Variants in CSMD1 observed in about 807,000 individuals in gnomAD.
CSMD1 encodes the protein CUB and Sushi multiple domains 1, also known as CUB and sushi domain-containing protein 1.
CSMD1 carries 213 observed loss-of-function variants against 417.5 expected under a neutral mutation model. The ratio of observed to expected loss-of-function variants is 0.51; its 90% CI spans 0.46 to 0.57. The LOEUF (loss-of-function observed/expected upper bound fraction) is 0.57, where lower values mean the gene tolerates loss of function less well. CSMD1 is among the 20% of genes least tolerant of loss of function. CSMD1 has a pLI of 0.00. For missense variants in CSMD1, 6,923 were observed against 4,529.7 expected, an observed-to-expected ratio of 1.53 and a Z score of -15.17; for synonymous variants, 2,862 against 1,736.8, an observed-to-expected ratio of 1.65 and a Z score of -16.11.
chr8:3,484,842 C>T (rs1197400061), intron 11 of CSMD1, among the ~76,000 whole-genome samples: 1 of 152,116 alleles, frequency 6.6e-6, no homozygotes, highest in Admixed American at 6.6e-5. Context: ...TATCATTAGC[C>T]ATCAGGAAAA....
At chr8:4,552,142 A>T (rs186169324) in intron 2 of CSMD1, among the ~76,000 whole-genome samples, 1 of 152,176 alleles carries the variant, frequency 6.6e-6, no homozygotes, top group African/African-American at 2.4e-5. Flanking sequence ...AAAATCTAAC[A>T]TGCATTGGGA....
intron 1 of CSMD1, among the ~76,000 whole-genome samples, chr8:4,961,756 C>G (rs557646131): frequency 6.6e-6 from 1 of 152,094 alleles, no homozygotes; most frequent in Non-Finnish European, 1.5e-5. Context: ...CATTTTCAAT[C>G]TAGCAATTTC....
At position 2,968,207 on chromosome 8, in the gene CSMD1, A is replaced by G. The variant is rs111783994; in HGVS notation, c.8924-1461T>C. 2.1e-3 allele frequency among the ~76,000 whole-genome samples: 326 copies of G among 152,350 alleles called. 1 individual carries two copies. Among genetic ancestry groups the G allele is most frequent in the African/African-American group, 7.5e-3 (313 of 41,584 alleles). ...ATCCAAGACAACTATTCATTCAACAAACACATATTCCTCACTTACTGTGCA... is the reference window on the plus strand; with the variant it reads ...ATCCAAGACAACTATTCATTCAACAGACACATATTCCTCACTTACTGTGCA... On this transcript the variant is annotated intron_variant, in intron 57 of 69. Transcript: ENST00000635120.
intron 2 of CSMD1, among the ~76,000 whole-genome samples, chr8:4,584,452 T>C (rs1305168625): frequency 6.6e-6 from 1 of 152,062 alleles, no homozygotes; most frequent in Admixed American, 6.5e-5. Context: ...TAAAAGCGAC[T>C]AGCGTGGCCG....
chr8:4,087,041 G>T (rs775098957), intron 3 of CSMD1, among the ~76,000 whole-genome samples: 4 of 152,200 alleles, frequency 2.6e-5, no homozygotes, highest in African/African-American at 9.6e-5. Context: ...TTCCTCCCCA[G>T]TGACTGCCTT....
chr8:4,981,046 C>G (rs1194070397), intron 1 of CSMD1, among the ~76,000 whole-genome samples: 1 of 152,132 alleles, frequency 6.6e-6, no homozygotes, highest in Non-Finnish European at 1.5e-5. Context: ...AGAAACCAAA[C>G]AAGATTCAAG....
At chr8:3,444,137 C>A (rs975234256) in intron 12 of CSMD1, among the ~76,000 whole-genome samples, 1 of 152,086 alleles carries the variant, frequency 6.6e-6, no homozygotes, top group Admixed American at 6.6e-5. Flanking sequence ...AACAAGAAAT[C>A]AAGCAGTGAT....
intron 6 of CSMD1, among the ~76,000 whole-genome samples, chr8:3,711,417 C>T (rs78625878): frequency 0.027 from 4,103 of 152,222 alleles, 172 homozygotes; most frequent in African/African-American, 0.094. Flanking sequence ...CAGAGACAGA[C>T]AGTCACCTAT....
intron 1 of CSMD1, among the ~76,000 whole-genome samples, chr8:4,741,671 G>T (rs1243172828): frequency 3.9e-5 from 6 of 152,154 alleles, no homozygotes; most frequent in African/African-American, 1.4e-4. Flanking sequence ...GATCCGTTCA[G>T]TAAATCACAT....
In CSMD1 at chr8:4,018,725, G is replaced by C. The variant is rs538550605; in HGVS notation, c.610+13180C>G. 5.3e-5 allele frequency among the ~76,000 whole-genome samples: 8 copies of C among 152,272 alleles called. No homozygotes were observed. In the East Asian group the frequency reaches 7.7e-4, roughly 15 times the overall value. On this transcript the variant is annotated intron_variant, in intron 4 of 69. Transcript: ENST00000635120. ...TTAGAAATATTTATTTTTCTCTTGA[G>C]TTAGAAGAGAACGGACAGCATGTGA...
At chr8:4,319,746 G>A (rs1433018593) in intron 3 of CSMD1, among the ~76,000 whole-genome samples, 3 of 152,050 alleles carry the variant, frequency 2.0e-5, no homozygotes, top group South Asian at 2.1e-4. Flanking sequence ...TTGCCGGGGG[G>A]CCAAAGGCTG....
intron 16 of CSMD1, among the ~76,000 whole-genome samples, chr8:3,398,831 C>A (rs1156507251): frequency 6.6e-6 from 1 of 152,160 alleles, no homozygotes; most frequent in Non-Finnish European, 1.5e-5. Context: ...ACCTACGCAG[C>A]CCAGCATGCT....
chr8:4,822,377 T>A (rs1017092486), intron 1 of CSMD1, among the ~76,000 whole-genome samples: 7 of 152,118 alleles, frequency 4.6e-5, no homozygotes, highest in Non-Finnish European at 8.8e-5. Flanking sequence ...ATTGCTTTAT[T>A]TGACCTCAAC....
intron 5 of CSMD1, among the ~76,000 whole-genome samples, chr8:3,885,296 G>C (rs1167541200): frequency 6.6e-6 from 1 of 152,068 alleles, no homozygotes; most frequent in Admixed American, 6.6e-5. Context: ...GAATCAATCT[G>C]ACCTTTTCAG....
At chr8:4,200,372 A>C (rs1352026520) in intron 3 of CSMD1, among the ~76,000 whole-genome samples, 1 of 152,196 alleles carries the variant, frequency 6.6e-6, no homozygotes, top group Admixed American at 6.5e-5. Context: ...TTTTTAAAAG[A>C]AATACAACTT....
At chr8:3,690,129 C>G (rs1800159281) in intron 7 of CSMD1, among the ~76,000 whole-genome samples, 1 of 152,118 alleles carries the variant, frequency 6.6e-6, no homozygotes, top group African/African-American at 2.4e-5. Flanking sequence ...GAGGCTGAGA[C>G]CGGAGGATCA....
intron 1 of CSMD1, among the ~76,000 whole-genome samples, chr8:4,991,640 C>G (rs550135526): frequency 1.2e-3 from 190 of 152,248 alleles, no homozygotes; most frequent in African/African-American, 4.4e-3. Context: ...GCAAGCGCCT[C>G]CGGTGGGCCC....
At chr8:2,949,225 C>G (rs770990394) in intron 68 of CSMD1, 74 bp downstream of exon 68, 2 of 719,498 alleles carry the variant, frequency 2.8e-6, no homozygotes, top group Non-Finnish European at 4.6e-6. Flanking sequence ...GTCGTCTTTT[C>G]CATTTCTTCT....
At chr8:4,378,208 G>A (rs1031330727) in intron 3 of CSMD1, among the ~76,000 whole-genome samples, 20 of 152,104 alleles carry the variant, frequency 1.3e-4, no homozygotes, top group Non-Finnish European at 2.2e-4. Flanking sequence ...CGAATTAGTC[G>A]TGTTATGTAC....
Sources: gnomAD v4.1 joint callset for allele counts (sites outside exome capture counted in the v4.1 genomes callset) on GRCh38, gnomAD v4.1.1 for gene constraint, MANE v1.5 for transcripts, NCBI Gene and HGNC (gene_info 2026-07-23, HGNC 2026-07-21) for gene names.